The following FLOT2 variants were observed in gnomAD, a reference collection of about 807,000 sequenced individuals.
The protein encoded by FLOT2 is flotillin 2.
In FLOT2, 35 loss-of-function variants were observed where a neutral mutation model predicts 54.9. The observed-to-expected ratio is 0.64, with a 90% confidence interval of 0.49 to 0.84. FLOT2 has a LOEUF of 0.84. FLOT2 is among the 40% of genes least tolerant of loss of function. The pLI, the probability that FLOT2 is intolerant of heterozygous loss-of-function variation, is 0.00. For synonymous variants in FLOT2, 207 were observed against 228.9 expected, an observed-to-expected ratio of 0.90 and a Z score of 0.86; for missense variants, 464 against 572.1, an observed-to-expected ratio of 0.81 and a Z score of 1.93.
At chr17:28,888,157 T>TC (rs34923577) in intron 2 of FLOT2, among the ~76,000 whole-genome samples, 1 of 152,064 alleles carries the variant, frequency 6.6e-6, no homozygotes, top group Non-Finnish European at 1.5e-5. Context: ...GATCTGCTCC[T>TC]CCCCTCCCCA....
chr17:28,893,001 C>T (rs2039679606), intron 1 of FLOT2: 1 of 152,236 alleles, frequency 6.6e-6, no homozygotes, highest in African/African-American at 2.4e-5. Flanking sequence ...GCTGCCACAG[C>T]TCAAGCTGGG....
At position 28,880,152 on chromosome 17, in the gene FLOT2, C is replaced by T; in HGVS notation, c.*409G>A. ...ACCCCTGCCCATGCTGAGCTCTGGC[C>T]AGGGCCATAGGGAGGATGGACAGAT... On this transcript the variant is annotated 3_prime_UTR_variant, in exon 11 of 11. Transcript: ENST00000394908. The T allele has an allele frequency of 9.4e-7, 1 of 1,061,620 alleles. No homozygotes were observed. The highest frequency in any genetic ancestry group is 1.1e-6 in the Non-Finnish European group (1 of 875,580). The allele number at this position is 1,061,620 out of a possible 1,614,324, so 65.8% of individuals were successfully genotyped here.
rs2039513219 is a variant in FLOT2 at position 28,884,766 on chromosome 17, G to T, written c.132-451C>A. On this transcript the variant is annotated intron_variant, in intron 2 of 10. Coordinates refer to ENST00000394908, the MANE Select transcript of FLOT2 (RefSeq NM_004475.3). The surrounding 1 kb of genome is among the most constrained non-coding windows in gnomAD (Gnocchi z 5.1). ...TCCTTGGTCTACCCAGCACCCCAGG[G>T]TGCCCCAGGAAGTTGCTTGGAAAGC... Among the ~76,000 whole-genome samples, 1 of 152,184 alleles carries T rather than the reference G, an allele frequency of 6.6e-6. No homozygotes were observed. The highest frequency in any genetic ancestry group is 1.5e-5 in the Non-Finnish European group (1 of 68,008).
intron 2 of FLOT2, chr17:28,886,065 G>GGGGGGGGGGGGGT: frequency 1.7e-6 from 1 of 596,208 alleles, no homozygotes; most frequent in South Asian, 1.6e-5. Context: ...GGGCGGGGGG[G>GGGGGGGGGGGGGT]GGCATGCTGT....
At position 28,884,134 on chromosome 17, in the gene FLOT2, C is replaced by T; in HGVS notation, c.222+91G>A. On this transcript the variant is annotated intron_variant, in intron 3 of 10. Coordinates refer to ENST00000394908, the MANE Select transcript of FLOT2 (RefSeq NM_004475.3). This position sits in a 1 kb window ranked among gnomAD's most constrained non-coding sequence, Gnocchi z 5.1. ...GGCTGGGGTGCTGGAGAGAGACTGCCCCTGGCTGCTGTCCTCTCCTCCTCC... is the reference window on the plus strand; with the variant it reads ...GGCTGGGGTGCTGGAGAGAGACTGCTCCTGGCTGCTGTCCTCTCCTCCTCC... 1.1e-6 allele frequency: 1 copy of T among 945,428 alleles called. No individual in the cohort carries two copies. The highest frequency in any genetic ancestry group is 1.3e-5 in the South Asian group (1 of 76,780). The allele number at this position is 945,428 out of a possible 1,614,324, so 58.6% of individuals were successfully genotyped here.
chr17:28,880,996 G>A (rs1268008576), intron 9 of FLOT2, 134 bp from the exon 10 acceptor site: 4 of 1,231,764 alleles, frequency 3.2e-6, no homozygotes, highest in South Asian at 1.3e-5. Context: ...TCGAGCCATG[G>A]TAAGAGACGC....
Position 28,881,949 on chromosome 17 carries a change from T to C in FLOT2, c.779A>G (p.Glu260Gly), listed in dbSNP as rs749899892. Residue 260 changes from glutamate (E) to glycine (G), a missense_variant, in exon 8 of 11, where the codon GAG becomes GGG. Glu to Gly is a moderately conservative substitution (Grantham distance 98). Coordinates refer to ENST00000394908, the MANE Select transcript of FLOT2 (RefSeq NM_004475.3). The part of the protein sequence containing the change: ...QKIRQEEIEI[E>G]VVQRKKQIAV... ...AATCTGTTTCTTGCGCTGCACAACC[T>C]CAATCTCAATCTCTTCCTGCCGGAT... is the stretch of plus-strand genomic sequence containing the variant. 1.9e-6 allele frequency: 3 copies of C among 1,613,946 alleles called. No homozygotes were observed. Among genetic ancestry groups the C allele is most frequent in the Non-Finnish European group, 2.5e-6 (3 of 1,180,030 alleles).
At chr17:28,885,464 AG>A in intron 2 of FLOT2, 1 of 648,722 alleles carries the variant, frequency 1.5e-6, no homozygotes, top group Non-Finnish European at 2.9e-6. Flanking sequence ...GAAGGTGCTC[AG>A]TAGAGAGCTG....
chr17:28,897,474 C>A lies in FLOT2; in HGVS notation c.49+52G>T. 6.5e-7 allele frequency: 1 copy of A among 1,544,234 alleles called. No homozygotes were observed. The highest frequency in any genetic ancestry group is 8.8e-7 in the Non-Finnish European group (1 of 1,134,802). ...CTTCCCCGTGCACTCCCCAGCCCTG[C>A]ACCCACCCCGAGCACCCTCCACAGC... On this transcript the variant is annotated intron_variant, in intron 1 of 10. Coordinates refer to ENST00000394908, the MANE Select transcript of FLOT2 (RefSeq NM_004475.3). The surrounding 1 kb of genome is among the most constrained non-coding windows in gnomAD (Gnocchi z 4.4).
intron 2 of FLOT2, chr17:28,885,792 G>T: frequency 9.0e-7 from 1 of 1,115,814 alleles, no homozygotes; most frequent in Non-Finnish European, 1.3e-6. Context: ...GCTCCTGTCT[G>T]CCAGGCCCCG....
At chr17:28,890,866 T>C (rs2039639368) in intron 1 of FLOT2, among the ~76,000 whole-genome samples, 2 of 150,348 alleles carry the variant, frequency 1.3e-5, no homozygotes, top group South Asian at 4.2e-4. Flanking sequence ...TTTCTTCTTT[T>C]TTTTTTTTTT....
Position 28,897,592 on chromosome 17 carries a change from G to A in FLOT2, c.-18C>T, listed in dbSNP as rs758747679. 8.2e-6 allele frequency: 13 copies of A among 1,584,694 alleles called. No homozygotes were observed. In the Admixed American group the frequency reaches 1.1e-4, roughly 13 times the overall value. On this transcript the variant is annotated 5_prime_UTR_variant, in exon 1 of 11. Coordinates refer to ENST00000394908, the MANE Select transcript of FLOT2 (RefSeq NM_004475.3). This position sits in a 1 kb window ranked among gnomAD's most constrained non-coding sequence, Gnocchi z 4.4. Reference sequence around the variant, plus strand: ...TTGCCCATGGCGCCGGCGGCACGGAGGGCCCTCGGGACCGCACAGACCCGG... The same window carrying A: ...TTGCCCATGGCGCCGGCGGCACGGAAGGCCCTCGGGACCGCACAGACCCGG...
In FLOT2 at chr17:28,884,964, A is replaced by G. The variant is rs2039515337; in HGVS notation, c.132-649T>C. Among the ~76,000 whole-genome samples, 1 of 152,216 alleles carries G rather than the reference A, an allele frequency of 6.6e-6. No individual in the cohort carries two copies. Among genetic ancestry groups the G allele is most frequent in the Non-Finnish European group, 1.5e-5 (1 of 68,036 alleles). ...CACATGGGGAATTTAGACTGAAGTC[A>G]CACTAGAGCTTCTTGGCCAAGGAGT... On this transcript the variant is annotated intron_variant, in intron 2 of 10. Transcript: ENST00000394908. This position sits in a 1 kb window ranked among gnomAD's most constrained non-coding sequence, Gnocchi z 5.1.
At chr17:28,886,972 C>A (rs8081659) in intron 2 of FLOT2, among the ~76,000 whole-genome samples, 1 of 151,590 alleles carries the variant, frequency 6.6e-6, no homozygotes, top group South Asian at 2.1e-4. Flanking sequence ...CAGACAGGAA[C>A]CCACCAAGCT....
At chr17:28,894,766 T>C (rs1331696334) in intron 1 of FLOT2, among the ~76,000 whole-genome samples, 1 of 145,420 alleles carries the variant, frequency 6.9e-6, no homozygotes, top group Non-Finnish European at 1.5e-5. Context: ...TGCACTCTAG[T>C]AGCCTGGGTG....
chr17:28,885,632 C>CCAGAATCCCTTGCTGTTTCCCCACTTG, intron 2 of FLOT2: 2 of 717,536 alleles, frequency 2.8e-6, no homozygotes, highest in Non-Finnish European at 5.2e-6. Flanking sequence ...GGCAGAGCTT[C>CCAGAATCCCTTGCTGTTTCCCCACTTG]CAGAATCCCT....
intron 1 of FLOT2, among the ~76,000 whole-genome samples, chr17:28,895,988 G>A (rs1270978592): frequency 6.6e-6 from 1 of 152,090 alleles, no homozygotes; most frequent in Non-Finnish European, 1.5e-5. Context: ...CCACACACAA[G>A]AGGGAGCTGG....
intron 1 of FLOT2, among the ~76,000 whole-genome samples, chr17:28,895,312 A>T (rs2039723586): frequency 6.6e-6 from 1 of 152,234 alleles, no homozygotes; most frequent in Non-Finnish European, 1.5e-5. Flanking sequence ...CTTTATTAAT[A>T]CATTAAATAG....
chr17:28,896,399 T>G (rs1012883301), intron 1 of FLOT2, among the ~76,000 whole-genome samples: 11 of 152,208 alleles, frequency 7.2e-5, no homozygotes, highest in African/African-American at 2.4e-4. Flanking sequence ...TTAGGTCTTA[T>G]GGAGGAGCAA....
Sources: allele counts gnomAD v4.1 joint callset (sites outside exome capture counted in the v4.1 genomes callset), GRCh38; gene constraint gnomAD v4.1.1; non-coding constraint Gnocchi (gnomAD v3.1); transcripts MANE v1.5; gene names NCBI Gene and HGNC (gene_info 2026-07-23, HGNC 2026-07-21).